The following MRAP variants were observed in gnomAD, a reference collection of about 807,000 sequenced individuals.
MRAP encodes the protein melanocortin-2 receptor accessory protein.
In MRAP, 8 loss-of-function variants were observed where a neutral mutation model predicts 8.7. The ratio of observed to expected loss-of-function variants is 0.92; its 90% CI spans 0.54 to 1.66. The LOEUF (loss-of-function observed/expected upper bound fraction) is 1.66, where lower values mean the gene tolerates loss of function less well. Among genes scored for constraint, MRAP ranks in the 40% most tolerant of loss-of-function variants. MRAP has a pLI of 0.00. For missense variants in MRAP, 237 were observed against 217.1 expected (o/e 1.09, Z -0.58); for synonymous variants, 95 against 95.5 (o/e 1.00, Z 0.03).
chr21:32,300,915 ATG>A (rs1192212065), intron 1 of MRAP, among the ~76,000 whole-genome samples: 2 of 151,736 alleles, frequency 1.3e-5, no homozygotes, highest in Non-Finnish European at 2.9e-5. Flanking sequence ...TCATGTGTCT[ATG>A]TGTCATGATA....
upstream of MRAP, chr21:32,298,800 C>T: frequency 3.2e-6 from 2 of 621,224 alleles, no homozygotes; most frequent in Non-Finnish European, 5.9e-6. Flanking sequence ...CCCCCCTGAC[C>T]TTTCTTCCAG....
chr21:32,304,953 G>GTTTT lies in MRAP; in HGVS notation c.107-1682_107-1679dup, dbSNP rs1159686772. 3.5e-5 allele frequency among the ~76,000 whole-genome samples: 4 copies of GTTTT among 113,818 alleles called. 1 individual carries two copies. The highest frequency in any genetic ancestry group is 1.5e-4 in the African/African-American group (4 of 27,292). The allele number at this position is 113,818 out of a possible 152,430, so 74.7% of individuals were successfully genotyped here. On this transcript the variant is annotated intron_variant, in intron 1 of 2. Coordinates refer to ENST00000303645, the MANE Select transcript of MRAP (RefSeq NM_001379228.1). The stretch of plus-strand genomic sequence containing the variant: ...TTATACCCTGTTTTGAGGGGGATTT[G>GTTTT]TTTTTTTTGTTGTTTTTTTTTTTTT...
chr21:32,307,192 G>A (rs2123515707), intron 2 of MRAP, among the ~76,000 whole-genome samples: 1 of 152,316 alleles, frequency 6.6e-6, no homozygotes, highest in East Asian at 1.9e-4. Flanking sequence ...TGTAGAGACA[G>A]AAAGCAGATT....
chr21:32,302,770 G>A (rs1038202930), intron 1 of MRAP, among the ~76,000 whole-genome samples: 1 of 152,184 alleles, frequency 6.6e-6, no homozygotes, highest in Non-Finnish European at 1.5e-5. Context: ...GTAACCCCTG[G>A]AGGGAGGCTC....
chr21:32,300,843 G>GC (rs1219619665), intron 1 of MRAP, among the ~76,000 whole-genome samples: 2 of 148,098 alleles, frequency 1.4e-5, no homozygotes, highest in Admixed American at 6.7e-5. Flanking sequence ...GATATGTCAT[G>GC]CGCCCTATGT....
In MRAP at chr21:32,301,564, C is replaced by G. The variant is rs572922163; in HGVS notation, c.106+2487C>G. Among the ~76,000 whole-genome samples, 3 of 152,278 alleles carry G rather than the reference C, an allele frequency of 2.0e-5. No individual in the cohort carries two copies. In the South Asian group the frequency reaches 6.2e-4, roughly 32 times the overall value. ...TACATGTTTGATCTTCATCTGTGCC[C>G]TTTTCCGAGGCTAAGCTTAGAAGAA... On this transcript the variant is annotated intron_variant, in intron 1 of 2. Transcript: ENST00000303645.
intron 2 of MRAP, among the ~76,000 whole-genome samples, chr21:32,310,354 G>A (rs2032529431): frequency 6.6e-6 from 1 of 151,924 alleles, no homozygotes; most frequent in South Asian, 2.1e-4. Flanking sequence ...GGGAGGGGAG[G>A]AGGGAGGTGG....
At chr21:32,293,533 C>G (rs1039540278) in intron 2 of MRAP, among the ~76,000 whole-genome samples, 1 of 152,120 alleles carries the variant, frequency 6.6e-6, no homozygotes, top group African/African-American at 2.4e-5. Flanking sequence ...GAGGTCCCAC[C>G]ACCTGAGACC....
chr21:32,305,832 A>G (rs552546048), intron 1 of MRAP, among the ~76,000 whole-genome samples: 1 of 151,992 alleles, frequency 6.6e-6, no homozygotes, highest in South Asian at 2.1e-4. Flanking sequence ...CGTGCTAGAA[A>G]GTAGTTCCAT....
intron 1 of MRAP, among the ~76,000 whole-genome samples, chr21:32,301,333 T>TG (rs2032294715): frequency 6.6e-6 from 1 of 152,200 alleles, no homozygotes; most frequent in Non-Finnish European, 1.5e-5. Context: ...ACCATGCCCT[T>TG]GGTGCTTTCT....
At position 32,306,330 on chromosome 21, in the gene MRAP, C is replaced by A. The variant is rs535455419; in HGVS notation, c.107-310C>A. On this transcript the variant is annotated intron_variant, in intron 1 of 2. Transcript: ENST00000303645. ...CCTTCAGGACTGTTCCTCTGAGCAC[C>A]ACTAGGAGCCGGGCAAGCAGATGCA... is the stretch of plus-strand genomic sequence containing the variant. 11 of 399,630 alleles carry A rather than the reference C, an allele frequency of 2.8e-5. No homozygotes were observed. The East Asian group carries it at 6.8e-4, about 25-fold the overall frequency. The allele number at this position is 399,630 out of a possible 1,614,324, so 24.8% of individuals were successfully genotyped here.
At chr21:32,300,913 CTATG>C (rs1447917131) in intron 1 of MRAP, among the ~76,000 whole-genome samples, 2 of 151,832 alleles carry the variant, frequency 1.3e-5, no homozygotes, top group Non-Finnish European at 2.9e-5. Flanking sequence ...CGTCATGTGT[CTATG>C]TGTCATGATA....
chr21:32,292,708 T>A (rs1300566287), intron 1 of MRAP, among the ~76,000 whole-genome samples: 1 of 151,856 alleles, frequency 6.6e-6, no homozygotes, highest in Non-Finnish European at 1.5e-5. Context: ...TCACCTGCCT[T>A]TGCCTCCCAA....
chr21:32,296,755 A>T (rs1412522716), upstream of MRAP, among the ~76,000 whole-genome samples: 2 of 152,186 alleles, frequency 1.3e-5, no homozygotes, highest in Non-Finnish European at 2.9e-5. Context: ...AAGTACAGTA[A>T]AAATACACTA....
chr21:32,306,769 T>TC (rs752381468), intron 2 of MRAP, 30 bp downstream of exon 2: 6 of 1,542,422 alleles, frequency 3.9e-6, no homozygotes, highest in Non-Finnish European at 3.6e-6. Flanking sequence ...AGTCTGTGGG[T>TC]CACTCAGACG....
intron 2 of MRAP, among the ~76,000 whole-genome samples, chr21:32,308,890 C>T (rs2833760): frequency 0.2 from 30,862 of 152,034 alleles, 4,909 homozygotes; most frequent in African/African-American, 0.44. Context: ...AAACCCTAAG[C>T]GTAGGAAGCT....
At chr21:32,294,895 T>C (rs2032113215), upstream of MRAP, among the ~76,000 whole-genome samples, 1 of 152,152 alleles carries the variant, frequency 6.6e-6, no homozygotes, top group Non-Finnish European at 1.5e-5. Flanking sequence ...GTTTTACTCT[T>C]GCATATCTTT....
chr21:32,298,673 G>A (rs2032186649), upstream of MRAP, among the ~76,000 whole-genome samples: 1 of 152,180 alleles, frequency 6.6e-6, no homozygotes, highest in Non-Finnish European at 1.5e-5. Context: ...ACACAGAGAG[G>A]GATCCTAGGG....
intron 2 of MRAP, among the ~76,000 whole-genome samples, chr21:32,309,747 G>A (rs1241932525): frequency 4.0e-5 from 6 of 150,208 alleles, no homozygotes; most frequent in Admixed American, 4.0e-4. Flanking sequence ...GTTCGAGACT[G>A]GCCTGGCCAG....
Sources: gnomAD v4.1 joint callset for allele counts (sites outside exome capture counted in the v4.1 genomes callset) on GRCh38, gnomAD v4.1.1 for gene constraint, MANE v1.5 for transcripts, NCBI Gene and HGNC (gene_info 2026-07-23, HGNC 2026-07-21) for gene names.